The following DOCK3 variants were observed in gnomAD, a reference collection of about 807,000 sequenced individuals.
DOCK3 encodes dedicator of cytokinesis protein 3.
Under a neutral mutation model 265.6 loss-of-function variants are expected in DOCK3, and 60 were observed. The observed-to-expected ratio is 0.23, with a 90% CI of 0.18 to 0.28. The LOEUF is 0.28. Among genes scored for constraint, DOCK3 ranks in the 10% least tolerant of loss-of-function variants. The pLI is 1.00. For missense variants in DOCK3, 1,981 were observed against 2,594.3 expected (o/e 0.76, Z 5.14); for synonymous variants, 881 against 938.0 (o/e 0.94, Z 1.11).
chr3:51,294,351 CAT>C (rs1351039793), intron 27 of DOCK3, among the ~76,000 whole-genome samples: 1 of 152,158 alleles, frequency 6.6e-6, no homozygotes, highest in African/African-American at 2.4e-5. Context: ...AGACAAATAT[CAT>C]ATGATCTCAC....
At chr3:51,331,523 A>G (rs1157028745) in intron 33 of DOCK3, among the ~76,000 whole-genome samples, 2 of 152,044 alleles carry the variant, frequency 1.3e-5, no homozygotes, top group African/African-American at 4.8e-5. Flanking sequence ...GCATTTTCCA[A>G]TTTGTGTTTT....
intron 1 of DOCK3, among the ~76,000 whole-genome samples, chr3:50,744,959 C>G (rs1246024349): frequency 6.6e-6 from 1 of 152,110 alleles, no homozygotes; most frequent in Non-Finnish European, 1.5e-5. Flanking sequence ...ATTTTGATGA[C>G]TACAATTTTG....
intron 1 of DOCK3, among the ~76,000 whole-genome samples, chr3:50,681,738 T>G (rs2034430112): frequency 6.6e-6 from 1 of 152,246 alleles, no homozygotes; most frequent in South Asian, 2.1e-4. Flanking sequence ...TTATCTACAA[T>G]GGAATAAAAT....
intron 3 of DOCK3, among the ~76,000 whole-genome samples, chr3:50,865,774 A>G (rs1303859148): frequency 6.6e-6 from 1 of 152,184 alleles, no homozygotes; most frequent in South Asian, 2.1e-4. Context: ...CACCAACAGC[A>G]TGCAAGGGTT....
chr3:50,771,154 A>G (rs2108471545), intron 1 of DOCK3, among the ~76,000 whole-genome samples: 1 of 152,328 alleles, frequency 6.6e-6, no homozygotes, highest in Non-Finnish European at 1.5e-5. Flanking sequence ...AATAAAATGA[A>G]CAGACAACCC....
intron 5 of DOCK3, among the ~76,000 whole-genome samples, chr3:51,010,602 G>T (rs1174725515): frequency 6.6e-6 from 1 of 152,034 alleles, no homozygotes; most frequent in African/African-American, 2.4e-5. Context: ...TTTAATTGGG[G>T]CATTTAGCCC....
intron 2 of DOCK3, among the ~76,000 whole-genome samples, chr3:50,826,826 ATAAAG>A (rs753676089): frequency 6.6e-6 from 1 of 152,204 alleles, no homozygotes; most frequent in African/African-American, 2.4e-5. Flanking sequence ...TTGCTAGAAA[ATAAAG>A]TAAAAAGACA....
chr3:50,962,717 T>C (rs903633756), intron 5 of DOCK3, among the ~76,000 whole-genome samples: 7 of 152,102 alleles, frequency 4.6e-5, no homozygotes, highest in African/African-American at 1.7e-4. Context: ...GACTCTTTTT[T>C]ATTTTTTCTT....
chr3:50,842,364 TAGAAA>T (rs1050092629), intron 3 of DOCK3, among the ~76,000 whole-genome samples: 8 of 152,220 alleles, frequency 5.3e-5, no homozygotes, highest in Non-Finnish European at 1.0e-4. Flanking sequence ...TTTGTTTGTA[TAGAAA>T]AATACCAAAA....
chr3:50,986,889 T>G (rs2077923288), intron 5 of DOCK3, among the ~76,000 whole-genome samples: 2 of 152,186 alleles, frequency 1.3e-5, no homozygotes, highest in Admixed American at 1.3e-4. Context: ...TATGCATCAT[T>G]TATGAAAGCA....
chr3:50,756,576 A>G (rs2040176787), intron 1 of DOCK3, among the ~76,000 whole-genome samples: 1 of 152,112 alleles, frequency 6.6e-6, no homozygotes, highest in South Asian at 2.1e-4. Flanking sequence ...TCTTCAGCAT[A>G]TACCTAGGAG....
chr3:50,969,393 A>G (rs1034593902), intron 5 of DOCK3, among the ~76,000 whole-genome samples: 2 of 152,132 alleles, frequency 1.3e-5, no homozygotes, highest in African/African-American at 2.4e-5. Context: ...GTTTCTTGTA[A>G]GCAGTATATG....
intron 14 of DOCK3, among the ~76,000 whole-genome samples, chr3:51,216,956 G>T (rs1197911019): frequency 2.0e-5 from 3 of 152,156 alleles, no homozygotes; most frequent in East Asian, 3.9e-4. Context: ...CAAGTTACAA[G>T]AAATTGCAAC....
At chr3:51,170,868 A>G (rs990294760) in intron 12 of DOCK3, among the ~76,000 whole-genome samples, 5 of 150,644 alleles carry the variant, frequency 3.3e-5, no homozygotes, top group African/African-American at 1.2e-4. Flanking sequence ...GCTTGAACCC[A>G]GGAGGCAGAG....
At chr3:51,010,881 C>A (rs1286085158) in intron 5 of DOCK3, among the ~76,000 whole-genome samples, 3 of 152,116 alleles carry the variant, frequency 2.0e-5, no homozygotes, top group African/African-American at 7.2e-5. Context: ...ACTTATGAAG[C>A]TTAGTTTGGC....
At position 51,374,180 on chromosome 3, in the gene DOCK3, C is replaced by T. The variant is rs2087906080; in HGVS notation, c.5294-289C>T. ...CAGGGAGCCCCTAGCCACCCTGCTC[C>T]AGTTCTTAACTCTCCTCACCCTCTG... On this transcript the variant is annotated intron_variant, in intron 49 of 52. Transcript: ENST00000266037. The surrounding 1 kb of genome is among the most constrained non-coding windows in gnomAD (Gnocchi z 4.8). Among the ~76,000 whole-genome samples the T allele has an allele frequency of 6.6e-6, 1 of 152,164 alleles. No individual in the cohort carries two copies. The highest frequency in any genetic ancestry group is 6.5e-5 in the Admixed American group (1 of 15,278).
chr3:50,710,884 C>T (rs1159751992), intron 1 of DOCK3, among the ~76,000 whole-genome samples: 1 of 152,162 alleles, frequency 6.6e-6, no homozygotes, highest in Non-Finnish European at 1.5e-5. Flanking sequence ...GACTATTATT[C>T]TAAGTGAAGT....
At chr3:50,722,961 AC>A (rs2037570254) in intron 1 of DOCK3, among the ~76,000 whole-genome samples, 1 of 151,906 alleles carries the variant, frequency 6.6e-6, no homozygotes. Flanking sequence ...TTTTATAGAG[AC>A]AGGGTTTTGC....
chr3:51,361,905 T>A lies in DOCK3; in HGVS notation c.5053T>A (p.Ser1685Thr). The change falls in exon 48 of 53, where the codon TCC becomes ACC. Residue 1685 changes from serine (S) to threonine (T), a missense_variant. By Grantham distance (58) the Ser-to-Thr change is moderately conservative. Around this residue, in one of 4 missense-constraint regions of DOCK3, gnomAD observed 1,357 missense variants for 1,866.8 expected, o/e 0.73. Transcript: ENST00000266037. This position sits in a 1 kb window ranked among gnomAD's most constrained non-coding sequence, Gnocchi z 4.2. ...GTGRHSSSSL[S>T]SHASSEAGNM... The stretch of plus-strand genomic sequence containing the variant: ...AGGCCGCCATTCATCATCCTCTCTC[T>A]CCTCACATGCGTCTAGTGAAGCAGG... 6.2e-7 allele frequency: 1 copy of A among 1,613,324 alleles called. No homozygotes were observed. The highest frequency in any genetic ancestry group is 8.5e-7 in the Non-Finnish European group (1 of 1,179,676).
Sources: allele counts gnomAD v4.1 joint callset (sites outside exome capture counted in the v4.1 genomes callset), GRCh38; gene constraint gnomAD v4.1.1; regional missense constraint gnomAD v4.1.1; non-coding constraint Gnocchi (gnomAD v3.1); transcripts MANE v1.5; gene names NCBI Gene and HGNC (gene_info 2026-07-23, HGNC 2026-07-21).